Variants in KCNIP4 observed in about 807,000 individuals in gnomAD.
KCNIP4 encodes the protein Kv channel-interacting protein 4.
Under a neutral mutation model 34.0 loss-of-function variants are expected in KCNIP4, and 12 were observed. The ratio of observed to expected loss-of-function variants is 0.35; its 90% CI spans 0.23 to 0.57. The LOEUF is 0.57. Among genes scored for constraint, KCNIP4 ranks in the 20% least tolerant of loss-of-function variants. The pLI, the probability that KCNIP4 is intolerant of heterozygous loss-of-function variation, is 0.83. For synonymous variants in KCNIP4, 124 were observed against 102.2 expected (o/e 1.21, Z -1.29); for missense variants, 238 against 311.7 (o/e 0.76, Z 1.78).
Position 21,019,135 on chromosome 4 carries a change from T to C in KCNIP4, c.62-136426A>G, listed in dbSNP as rs187463146. Among the ~76,000 whole-genome samples the C allele has an allele frequency of 1.9e-3, 288 of 152,258 alleles. 6 individuals carry two copies. The South Asian group carries it at 0.053, about 28-fold the overall frequency. The stretch of plus-strand genomic sequence containing the variant: ...ATTGTCTTCCCTCTGTGTGTATCTC[T>C]GTCCATATTTTCTATTCTTTTTTGT... On this transcript the variant is annotated intron_variant, in intron 1 of 8. Transcript: ENST00000382152.
chr4:21,073,033 G>C (rs1416179741), intron 1 of KCNIP4, among the ~76,000 whole-genome samples: 2 of 152,190 alleles, frequency 1.3e-5, no homozygotes, highest in African/African-American at 4.8e-5. Context: ...GTGCCATGCT[G>C]TTTTAGTTGC....
chr4:21,248,809 T>C (rs1447039936), intron 1 of KCNIP4, among the ~76,000 whole-genome samples: 1 of 152,154 alleles, frequency 6.6e-6, no homozygotes, highest in Non-Finnish European at 1.5e-5. Context: ...ATTGTTCAAA[T>C]TCAGCTAGAA....
chr4:21,937,657 T>C (rs998297480), intron 1 of KCNIP4, among the ~76,000 whole-genome samples: 5 of 152,096 alleles, frequency 3.3e-5, no homozygotes, highest in Admixed American at 3.3e-4. Flanking sequence ...CCATTCAGGT[T>C]TTTTTCAACC....
chr4:21,123,750 G>A (rs186284948), intron 1 of KCNIP4, among the ~76,000 whole-genome samples: 8 of 152,162 alleles, frequency 5.3e-5, no homozygotes, highest in South Asian at 2.1e-4. Context: ...TGGGGCCCTC[G>A]CAATGGGATT....
At chr4:21,411,044 A>T (rs965382319) in intron 1 of KCNIP4, among the ~76,000 whole-genome samples, 3 of 152,206 alleles carry the variant, frequency 2.0e-5, no homozygotes, top group Non-Finnish European at 4.4e-5. Flanking sequence ...GATGAAGCCT[A>T]TAAATGCCAG....
chr4:21,244,791 A>T lies in KCNIP4; in HGVS notation c.62-362082T>A, dbSNP rs1335531995. ...CATTTAAATGAGACACTTCTCTAAG[A>T]CCTGATACTTTAAGATGCTAAGTCC... On this transcript the variant is annotated intron_variant, in intron 1 of 8. Coordinates refer to ENST00000382152, the MANE Select transcript of KCNIP4 (RefSeq NM_025221.6). Among the ~76,000 whole-genome samples, 11 of 152,356 alleles carry T rather than the reference A, an allele frequency of 7.2e-5. 1 individual carries two copies. In the East Asian group the frequency reaches 2.1e-3, roughly 29 times the overall value.
chr4:20,793,294 T>G (rs1713017731), intron 3 of KCNIP4, among the ~76,000 whole-genome samples: 1 of 152,182 alleles, frequency 6.6e-6, no homozygotes, highest in South Asian at 2.1e-4. Flanking sequence ...CTCAAAGGAT[T>G]AAGACTAAGT....
At chr4:21,322,597 C>T (rs550806073) in intron 1 of KCNIP4, among the ~76,000 whole-genome samples, 11 of 152,064 alleles carry the variant, frequency 7.2e-5, no homozygotes, top group African/African-American at 2.2e-4. Flanking sequence ...TAGCTGGCAC[C>T]GGCCTTCTAA....
At chr4:21,273,822 T>C (rs1335979145) in intron 1 of KCNIP4, among the ~76,000 whole-genome samples, 1 of 152,204 alleles carries the variant, frequency 6.6e-6, no homozygotes, top group Non-Finnish European at 1.5e-5. Context: ...TATACACTTC[T>C]ATTATTGCAC....
intron 1 of KCNIP4, among the ~76,000 whole-genome samples, chr4:21,834,955 G>T (rs1381296739): frequency 2.0e-5 from 3 of 152,052 alleles, no homozygotes; most frequent in Non-Finnish European, 4.4e-5. Flanking sequence ...ACTTGATCAT[G>T]GTGGATAAGC....
At chr4:21,828,576 G>A (rs990942781) in intron 1 of KCNIP4, among the ~76,000 whole-genome samples, 2 of 151,764 alleles carry the variant, frequency 1.3e-5, no homozygotes, top group Non-Finnish European at 1.5e-5. Context: ...CCTAAAAAAT[G>A]CCAGACCATA....
At chr4:21,133,943 T>G (rs1316875811) in intron 1 of KCNIP4, among the ~76,000 whole-genome samples, 3 of 152,234 alleles carry the variant, frequency 2.0e-5, no homozygotes, top group African/African-American at 4.8e-5. Flanking sequence ...CATTCACATC[T>G]TTCGACTTCC....
rs145111451 is a variant in KCNIP4 at position 21,717,776 on chromosome 4, G to A, written c.61+230795C>T. On this transcript the variant is annotated intron_variant, in intron 1 of 8. Coordinates refer to ENST00000382152, the MANE Select transcript of KCNIP4 (RefSeq NM_025221.6). ...GCTCTTGATCACTGTCATTTTCATT[G>A]GCCCCACTCCTGCGTAATAGTTCCT... Among the ~76,000 whole-genome samples the A allele has an allele frequency of 2.0e-3, 305 of 152,062 alleles. 1 individual carries two copies. Among genetic ancestry groups the A allele is most frequent in the African/African-American group, 7.1e-3 (294 of 41,444 alleles).
At chr4:21,865,473 ATGT>A (rs1179187069) in intron 1 of KCNIP4, among the ~76,000 whole-genome samples, 1 of 152,158 alleles carries the variant, frequency 6.6e-6, no homozygotes, top group South Asian at 2.1e-4. Context: ...CTGACTCATA[ATGT>A]TGTACTGATT....
chr4:21,147,289 C>G (rs545624056), intron 1 of KCNIP4, among the ~76,000 whole-genome samples: 3 of 152,276 alleles, frequency 2.0e-5, no homozygotes, highest in Admixed American at 6.5e-5. Flanking sequence ...CTCTTCACTC[C>G]TTCAGTTCTC....
chr4:21,363,320 C>T (rs192840423), intron 1 of KCNIP4, among the ~76,000 whole-genome samples: 1 of 152,088 alleles, frequency 6.6e-6, no homozygotes. Context: ...TTGGACATCA[C>T]TTCAGGCTTG....
rs1413356609 is a variant in KCNIP4, at chr4:21,722,466, T to C, written c.61+226105A>G. ...TCCCACATTCTAAAGAGAAACAGAATACCTGAACAGCAGAGACATGAATGA... is the reference window on the plus strand; with the variant it reads ...TCCCACATTCTAAAGAGAAACAGAACACCTGAACAGCAGAGACATGAATGA... On this transcript the variant is annotated intron_variant, in intron 1 of 8. Coordinates refer to ENST00000382152, the MANE Select transcript of KCNIP4 (RefSeq NM_025221.6). Among the ~76,000 whole-genome samples the C allele has an allele frequency of 3.3e-5, 5 of 152,072 alleles. No homozygotes were observed. The East Asian group carries it at 7.7e-4, about 23-fold the overall frequency.
intron 1 of KCNIP4, among the ~76,000 whole-genome samples, chr4:20,907,249 G>A (rs1035754717): frequency 3.9e-5 from 6 of 152,104 alleles, no homozygotes; most frequent in Admixed American, 2.0e-4. Context: ...AATTTATTAC[G>A]GTGTTTTGGA....
intron 1 of KCNIP4, among the ~76,000 whole-genome samples, chr4:21,195,871 T>C (rs1756019106): frequency 1.3e-5 from 2 of 152,290 alleles, no homozygotes; most frequent in South Asian, 4.1e-4. Flanking sequence ...TCATGAGGGT[T>C]ACATGAGTAA....
Sources: allele counts gnomAD v4.1 joint callset (sites outside exome capture counted in the v4.1 genomes callset), GRCh38; gene constraint gnomAD v4.1.1; transcripts MANE v1.5; gene names NCBI Gene and HGNC (gene_info 2026-07-23, HGNC 2026-07-21).